PARK7: variants seen among roughly 807,000 people sequenced by gnomAD.
PARK7 encodes the protein Parkinsonism associated deglycase.
A neutral mutation model predicts 20.5 loss-of-function variants in PARK7; 14 were observed. The ratio of observed to expected loss-of-function variants is 0.68; its 90% CI spans 0.45 to 1.07. The LOEUF (loss-of-function observed/expected upper bound fraction) is 1.07, where lower values mean the gene tolerates loss of function less well. Ranked by LOEUF, PARK7 falls within the 50% of genes least tolerant of loss-of-function variation. PARK7 has a pLI of 0.00. For synonymous variants in PARK7, 98 were observed against 84.3 expected (o/e 1.16, Z -0.89); for missense variants, 234 against 238.1 (o/e 0.98, Z 0.11).
At chr1:7,965,811 A>G (rs1178383937) in intron 3 of PARK7, among the ~76,000 whole-genome samples, 2 of 151,806 alleles carry the variant, frequency 1.3e-5, no homozygotes, top group Admixed American at 6.6e-5. Context: ...ATTTTTTATT[A>G]TTATTATTTT....
At chr1:7,979,912 T>C (rs893419767) in intron 6 of PARK7, among the ~76,000 whole-genome samples, 3 of 152,124 alleles carry the variant, frequency 2.0e-5, no homozygotes, top group African/African-American at 7.2e-5. Flanking sequence ...ATCCCAGCAC[T>C]TGGGGAGGCC....
At position 7,985,176 on chromosome 1, in the gene PARK7, T is replaced by C. The variant is rs578012560; in HGVS notation, c.*122T>C. Reference sequence around the variant, plus strand: ...CAGAAGTCGCTGTCCTTACTACTTTTGCGGAAGTATGGAAGTCACAACTAC... The same window carrying C: ...CAGAAGTCGCTGTCCTTACTACTTTCGCGGAAGTATGGAAGTCACAACTAC... On this transcript the variant is annotated 3_prime_UTR_variant, in exon 7 of 7. Transcript: ENST00000338639. 1 of 1,331,032 alleles carries C rather than the reference T, an allele frequency of 7.5e-7. No individual in the cohort carries two copies. The highest frequency in any genetic ancestry group is 1.5e-5 in the African/African-American group (1 of 68,938). 82.5% of individuals were successfully genotyped at this position (1,331,032 alleles called of 1,614,324 possible). A position where few individuals can be genotyped will look rare whatever the true frequency, so the allele number is the denominator to read the frequency against.
chr1:7,961,810 GC>G lies in PARK7; in HGVS notation c.-24+18del, dbSNP rs1381368180. 1.3e-5 allele frequency: 2 copies of G among 152,792 alleles called. No individual in the cohort carries two copies. The highest frequency in any genetic ancestry group is 3.8e-4 in the East Asian group (2 of 5,200). 9.5% of individuals were successfully genotyped at this position (152,792 alleles called of 1,614,324 possible). ...GGGGTGCAGGTCAGCGCCAGCGGGGGCGCGGCGCATGTGTGGGCCGTGGCGC... is the reference window on the plus strand; with the variant it reads ...GGGGTGCAGGTCAGCGCCAGCGGGGGGCGGCGCATGTGTGGGCCGTGGCGC... On this transcript the variant is annotated intron_variant, in intron 1 of 6. Transcript: ENST00000338639.
intron 6 of PARK7, among the ~76,000 whole-genome samples, chr1:7,979,694 G>T (rs533513543): frequency 1.3e-5 from 2 of 152,034 alleles, no homozygotes; most frequent in African/African-American, 2.4e-5. Context: ...TAGAGACAGG[G>T]TCTAACCATA....
chr1:7,965,710 G>C (rs1180987532), intron 3 of PARK7, among the ~76,000 whole-genome samples: 1 of 152,114 alleles, frequency 6.6e-6, no homozygotes, highest in Non-Finnish European at 1.5e-5. Context: ...TGGCTGCATT[G>C]TTTTCCCATC....
intron 4 of PARK7, among the ~76,000 whole-genome samples, chr1:7,969,642 ACAATCTCGGCTCACTG>A (rs1336614812): frequency 6.6e-6 from 1 of 151,674 alleles, no homozygotes; most frequent in Non-Finnish European, 1.5e-5. Flanking sequence ...GTGCAGTGGC[ACAATCTCGGCTCACTG>A]CAATCTCCGC....
intron 6 of PARK7, among the ~76,000 whole-genome samples, chr1:7,981,083 TC>T (rs1640700094): frequency 6.6e-6 from 1 of 152,146 alleles, no homozygotes; most frequent in Non-Finnish European, 1.5e-5. Flanking sequence ...TTCTCATTTG[TC>T]CACTGTTTGA....
At chr1:7,969,645 A>G (rs1274040295) in intron 4 of PARK7, among the ~76,000 whole-genome samples, 1 of 152,048 alleles carries the variant, frequency 6.6e-6, no homozygotes, top group Admixed American at 6.6e-5. Flanking sequence ...CAGTGGCACA[A>G]TCTCGGCTCA....
chr1:7,982,275 C>T (rs2151439227), intron 6 of PARK7, among the ~76,000 whole-genome samples: 1 of 152,072 alleles, frequency 6.6e-6, no homozygotes, highest in East Asian at 1.9e-4. Flanking sequence ...GCATGAGCCA[C>T]TGCATCCGGC....
At position 7,977,664 on chromosome 1, in the gene PARK7, T is replaced by A; in HGVS notation, c.335T>A (p.Leu112Gln). The A allele has an allele frequency of 6.2e-7, 1 of 1,614,016 alleles. No homozygotes were observed. The highest frequency in any genetic ancestry group is 8.5e-7 in the Non-Finnish European group (1 of 1,179,884). ...TTTTTATTCTTAGGTCCTACTGCTC[T>A]GTTGGCTCATGAAATAGGTTTTGGA... ...IAAICAGPTALLAHEIGFGSK... is the reference protein window; with the variant it reads ...IAAICAGPTAQLAHEIGFGSK... Residue 112 changes from leucine to glutamine, a missense_variant, in exon 6 of 7, where the codon CTG (leucine) becomes CAG (glutamine). Coordinates refer to ENST00000338639, the MANE Select transcript of PARK7 (RefSeq NM_007262.5).
At chr1:7,971,169 T>C in intron 5 of PARK7, 1 of 639,010 alleles carries the variant, frequency 1.6e-6, no homozygotes, top group Non-Finnish European at 2.8e-6. Context: ...GCCTTTGGTC[T>C]ACATGCTGTG....
At chr1:7,972,797 G>T (rs560068486) in intron 5 of PARK7, among the ~76,000 whole-genome samples, 3 of 151,696 alleles carry the variant, frequency 2.0e-5, no homozygotes, top group Non-Finnish European at 4.4e-5. Context: ...CCAGCTACTC[G>T]GGAGGCTGAG....
chr1:7,967,366 G>A (rs529696255), intron 3 of PARK7, among the ~76,000 whole-genome samples: 5 of 152,160 alleles, frequency 3.3e-5, no homozygotes, highest in Non-Finnish European at 7.3e-5. Flanking sequence ...GACTGTTGGT[G>A]TAGTAAACAA....
At chr1:7,964,471 T>TG (rs777424405) in intron 2 of PARK7, among the ~76,000 whole-genome samples, 6 of 152,236 alleles carry the variant, frequency 3.9e-5, no homozygotes, top group Non-Finnish European at 8.8e-5. Context: ...TTAAAATTGC[T>TG]GCTTGGTGTT....
At chr1:7,975,412 G>T (rs951861040) in intron 5 of PARK7, among the ~76,000 whole-genome samples, 1 of 152,158 alleles carries the variant, frequency 6.6e-6, no homozygotes, top group Non-Finnish European at 1.5e-5. Context: ...TGGAGGAGCT[G>T]GGGAGTTGGC....
intron 6 of PARK7, among the ~76,000 whole-genome samples, chr1:7,978,253 C>G (rs1350334094): frequency 1.3e-5 from 2 of 152,006 alleles, no homozygotes; most frequent in African/African-American, 4.8e-5. Context: ...GCCTCAGCCT[C>G]TGAAAGTGCT....
chr1:7,971,213 G>T (rs1053275729), intron 5 of PARK7: 3 of 537,948 alleles, frequency 5.6e-6, no homozygotes, highest in Non-Finnish European at 1.0e-5. Flanking sequence ...GTTGACCTCG[G>T]AGGAAAATAA....
Position 7,981,999 on chromosome 1 carries a change from G to T in PARK7, c.410-2895G>T, listed in dbSNP as rs1481572655. Reference sequence around the variant, plus strand: ...TTTTTTTTTTTTTTTTTTTTGAGACGGAGTCTTGCTCTCTCACCCAGGCTG... The same window carrying T: ...TTTTTTTTTTTTTTTTTTTTGAGACTGAGTCTTGCTCTCTCACCCAGGCTG... On this transcript the variant is annotated intron_variant, in intron 6 of 6. Transcript: ENST00000338639. Among the ~76,000 whole-genome samples the T allele has an allele frequency of 9.9e-5, 11 of 111,422 alleles. No homozygotes were observed. The Admixed American group carries it at 1.3e-3, about 14-fold the overall frequency. 73.1% of individuals were successfully genotyped at this position (111,422 alleles called of 152,430 possible).
chr1:7,963,751 T>C (rs1640262934), intron 2 of PARK7, among the ~76,000 whole-genome samples: 1 of 151,884 alleles, frequency 6.6e-6, no homozygotes, highest in Admixed American at 6.6e-5. Flanking sequence ...TCTCCAATCC[T>C]ATGCCCCTTC....
Sources: allele counts gnomAD v4.1 joint callset (sites outside exome capture counted in the v4.1 genomes callset), GRCh38; gene constraint gnomAD v4.1.1; transcripts MANE v1.5; gene names NCBI Gene and HGNC (gene_info 2026-07-23, HGNC 2026-07-21).